The following ZC3H12B variants were observed in gnomAD, a reference collection of about 807,000 sequenced individuals.
ZC3H12B encodes zinc finger CCCH-type containing 12B.
In ZC3H12B, 7 loss-of-function variants were observed where a neutral mutation model predicts 43.9. That is an observed-to-expected ratio of 0.16 (90% CI 0.09 to 0.30). The LOEUF is 0.30. Ranked by LOEUF, ZC3H12B falls within the 10% of genes least tolerant of loss-of-function variation. The pLI is 1.00. For missense variants in ZC3H12B, 475 were observed against 670.2 expected (o/e 0.71, Z 3.22); for synonymous variants, 222 against 241.7 (o/e 0.92, Z 0.76).
chrX:65,202,212 A>G, the ZC3H12B span, among the ~76,000 whole-genome samples: 1 of 92,542 alleles, frequency 1.1e-5, no homozygotes, highest in Non-Finnish European at 2.0e-5. Flanking sequence ...ATAATATTAC[A>G]GTCTTGGGTA....
At chrX:65,094,385 A>G in the ZC3H12B span, among the ~76,000 whole-genome samples, 1 of 110,669 alleles carries the variant, frequency 9.0e-6, no homozygotes, top group African/African-American at 3.3e-5. Context: ...TGCAAAACCT[A>G]TAGAGGAAGC....
the ZC3H12B span, among the ~76,000 whole-genome samples, chrX:65,249,498 T>C: frequency 8.9e-6 from 1 of 112,071 alleles, no homozygotes; most frequent in Non-Finnish European, 1.9e-5. Context: ...ATGTGATGCC[T>C]CCAGTTTTGT....
chrX:65,307,426 G>C, the ZC3H12B span, among the ~76,000 whole-genome samples: 1 of 111,658 alleles, frequency 9.0e-6, no homozygotes, highest in South Asian at 3.7e-4. Flanking sequence ...AAATATAAAC[G>C]TTATGTACAG....
At chrX:65,102,849 T>C in the ZC3H12B span, among the ~76,000 whole-genome samples, 1 of 111,492 alleles carries the variant, frequency 9.0e-6, no homozygotes, top group Admixed American at 9.6e-5. Context: ...TGATGCCCCC[T>C]GAACCGCAAA....
the ZC3H12B span, chrX:65,331,371 G>A: frequency 9.0e-6 from 1 of 111,060 alleles, no homozygotes; most frequent in Non-Finnish European, 1.9e-5. Flanking sequence ...TGAGATAAGT[G>A]AAATAAGCCA....
intron 3 of ZC3H12B, among the ~76,000 whole-genome samples, chrX:65,408,919 C>A (rs2066869841): frequency 1.8e-5 from 2 of 111,335 alleles, no homozygotes; most frequent in Admixed American, 1.9e-4. Context: ...ATGCCAGTGG[C>A]CTGTACCATA....
chrX:65,105,599 TGA>T, the ZC3H12B span, among the ~76,000 whole-genome samples: 2 of 110,766 alleles, frequency 1.8e-5, no homozygotes, highest in Non-Finnish European at 3.8e-5. Context: ...AGAAATTAGC[TGA>T]GATGCTACAC....
chrX:65,224,274 C>A, the ZC3H12B span, among the ~76,000 whole-genome samples: 16 of 112,443 alleles, frequency 1.4e-4, no homozygotes, highest in Middle Eastern at 4.2e-3. Flanking sequence ...AGGAATGATA[C>A]AATTGCCTTT....
chrX:65,256,159 C>A, the ZC3H12B span, among the ~76,000 whole-genome samples: 1 of 111,799 alleles, frequency 8.9e-6, no homozygotes, highest in Non-Finnish European at 1.9e-5. Context: ...ATATTTGGGA[C>A]CTGATCTTGA....
chrX:65,117,250 T>C, the ZC3H12B span, among the ~76,000 whole-genome samples: 1 of 112,020 alleles, frequency 8.9e-6, no homozygotes, highest in Non-Finnish European at 1.9e-5. Context: ...ATGATCGCCA[T>C]TCTAACTGGT....
the ZC3H12B span, among the ~76,000 whole-genome samples, chrX:65,354,584 A>T: frequency 6.1e-4 from 68 of 111,831 alleles, no homozygotes; most frequent in Non-Finnish European, 1.3e-4. Context: ...CTCACCAGCA[A>T]GGGAACAAAA....
the ZC3H12B span, among the ~76,000 whole-genome samples, chrX:65,316,524 T>A: frequency 9.0e-6 from 1 of 111,692 alleles, no homozygotes; most frequent in East Asian, 2.8e-4. Flanking sequence ...AAATTTCAAC[T>A]AAGAATTTCA....
At chrX:65,123,700 G>A in the ZC3H12B span, among the ~76,000 whole-genome samples, 60 of 105,986 alleles carry the variant, frequency 5.7e-4, no homozygotes, top group Non-Finnish European at 8.5e-4. Flanking sequence ...ATGTTCTTGG[G>A]TAGGTAGATT....
chrX:65,289,562 A>G, the ZC3H12B span, among the ~76,000 whole-genome samples: 26 of 109,267 alleles, frequency 2.4e-4, no homozygotes, highest in East Asian at 5.9e-3. Flanking sequence ...AATTATAAAT[A>G]TTTTATATTC....
chrX:65,235,499 G>T, the ZC3H12B span, among the ~76,000 whole-genome samples: 3 of 111,222 alleles, frequency 2.7e-5, no homozygotes, highest in Non-Finnish European at 5.7e-5. Context: ...TCCAGCCACT[G>T]CCATCTCTGC....
chrX:65,467,927 T>A (rs2067847690), intron 3 of ZC3H12B, among the ~76,000 whole-genome samples: 1 of 112,622 alleles, frequency 8.9e-6, no homozygotes, highest in Non-Finnish European at 1.9e-5. Flanking sequence ...TTCTAATGAT[T>A]CTTTCATTTG....
chrX:65,291,310 G>T, the ZC3H12B span, among the ~76,000 whole-genome samples: 24 of 111,370 alleles, frequency 2.2e-4, no homozygotes, highest in Non-Finnish European at 4.0e-4. Flanking sequence ...TTATTCAAAA[G>T]AATTAAAATG....
the ZC3H12B span, among the ~76,000 whole-genome samples, chrX:65,212,910 C>T: frequency 9.4e-6 from 1 of 106,206 alleles, no homozygotes; most frequent in African/African-American, 3.4e-5. Flanking sequence ...ATAATAAAGT[C>T]CAACCAGTTT....
chrX:65,226,243 A>C, the ZC3H12B span, among the ~76,000 whole-genome samples: 1 of 111,703 alleles, frequency 9.0e-6, no homozygotes, highest in East Asian at 2.8e-4. Context: ...AAGAATTTTC[A>C]ACCCAGAATT....
Sources: allele counts gnomAD v4.1 joint callset (sites outside exome capture counted in the v4.1 genomes callset), GRCh38; gene constraint gnomAD v4.1.1; transcripts MANE v1.5; gene names NCBI Gene and HGNC (gene_info 2026-07-23, HGNC 2026-07-21).